The following NRIP1 variants were observed in gnomAD, a reference collection of about 807,000 sequenced individuals.
The protein encoded by NRIP1 is nuclear receptor-interacting protein 1.
NRIP1 carries 28 observed loss-of-function variants against 75.0 expected under a neutral mutation model. That is an observed-to-expected ratio of 0.37 (90% CI 0.28 to 0.51). The LOEUF (loss-of-function observed/expected upper bound fraction) is 0.51, where lower values mean the gene tolerates loss of function less well. Among genes scored for constraint, NRIP1 ranks in the 20% least tolerant of loss-of-function variants. The pLI is 0.92. For synonymous variants in NRIP1, 526 were observed against 487.6 expected (o/e 1.08, Z -1.04); for missense variants, 1,435 against 1,343.7 (o/e 1.07, Z -1.06).
intron 3 of NRIP1, among the ~76,000 whole-genome samples, chr21:15,002,852 A>G (rs978958142): frequency 2.0e-5 from 3 of 152,220 alleles, no homozygotes; most frequent in African/African-American, 7.2e-5. Context: ...AGTCTACTTT[A>G]CCAAGAAAAG....
At chr21:14,976,484 T>A (rs1325519004) in intron 3 of NRIP1, among the ~76,000 whole-genome samples, 2 of 152,164 alleles carry the variant, frequency 1.3e-5, no homozygotes, top group East Asian at 3.8e-4. Context: ...AACTAAGTGA[T>A]AGGTAATTTT....
At chr21:15,025,425 G>A (rs1429257207) in intron 2 of NRIP1, among the ~76,000 whole-genome samples, 1 of 151,920 alleles carries the variant, frequency 6.6e-6, no homozygotes, top group East Asian at 1.9e-4. Context: ...GGACAAGATG[G>A]GCACCAAAAT....
At position 14,967,225 on chromosome 21, in the gene NRIP1, C is replaced by T. The variant is rs752956066; in HGVS notation, c.968G>A (p.Ser323Asn). Residue 323 changes from serine to asparagine, a missense_variant, in exon 4 of 4, where the codon AGC becomes AAC. By Grantham distance (46) the Ser-to-Asn change is conservative. Coordinates refer to ENST00000318948, the MANE Select transcript of NRIP1 (RefSeq NM_003489.4). ...TGTTCTTGCCTGACCATTAAGATGG[C>T]TTGACATTCCTTTTGGGAGCTGGTA... is the stretch of plus-strand genomic sequence containing the variant. Reference protein sequence around the residue: ...GSYQLPKGMSSHLNGQARTSS... With the variant: ...GSYQLPKGMSNHLNGQARTSS... The T allele has an allele frequency of 2.5e-6, 4 of 1,613,910 alleles. No individual in the cohort carries two copies. Among genetic ancestry groups the T allele is most frequent in the Admixed American group, 3.3e-5 (2 of 59,952 alleles).
intron 3 of NRIP1, among the ~76,000 whole-genome samples, chr21:15,001,697 G>T (rs2087853483): frequency 6.6e-6 from 1 of 151,008 alleles, no homozygotes; most frequent in Non-Finnish European, 1.5e-5. Flanking sequence ...GTTCAAGGTG[G>T]TGTAGTGGCC....
chr21:14,982,708 G>T (rs920571757), intron 3 of NRIP1, among the ~76,000 whole-genome samples: 19 of 85,640 alleles, frequency 2.2e-4, no homozygotes, highest in East Asian at 7.7e-4. Flanking sequence ...GTTTTTTTTT[G>T]TTTTTTTTTT....
intron 2 of NRIP1, among the ~76,000 whole-genome samples, chr21:15,018,217 T>C (rs796787738): frequency 6.6e-6 from 1 of 152,160 alleles, no homozygotes; most frequent in Non-Finnish European, 1.5e-5. Flanking sequence ...TGTGGTAAAA[T>C]TATCACAATA....
chr21:15,065,482 AC>A (rs1389746531), upstream of NRIP1, among the ~76,000 whole-genome samples: 1 of 151,580 alleles, frequency 6.6e-6, no homozygotes, highest in Non-Finnish European at 1.5e-5. Flanking sequence ...GGCGCCCCAG[AC>A]GCTCCAGGGT....
intron 2 of NRIP1, among the ~76,000 whole-genome samples, chr21:15,032,617 A>T (rs1362105169): frequency 6.6e-6 from 1 of 152,254 alleles, no homozygotes; most frequent in African/African-American, 2.4e-5. Context: ...AACTTCAAAA[A>T]GCAGCAACTG....
intron 2 of NRIP1, among the ~76,000 whole-genome samples, chr21:15,019,689 T>C (rs552543485): frequency 1.1e-4 from 17 of 151,836 alleles, no homozygotes; most frequent in Non-Finnish European, 2.4e-4. Context: ...GATTTCACTA[T>C]GTTGGTCAGG....
intron 2 of NRIP1, among the ~76,000 whole-genome samples, chr21:15,031,072 TGTACACTCTGGAAGGCGCTCGGAGG>T (rs2147260269): frequency 8.6e-5 from 4 of 46,554 alleles, no homozygotes; most frequent in African/African-American, 1.7e-4. Context: ...TTTCTATGTG[TGTACACTCTGGAAGGCGCTCGGAGG>T]ATCACCACAT....
chr21:14,983,473 C>T (rs557298365), intron 3 of NRIP1, among the ~76,000 whole-genome samples: 5 of 152,252 alleles, frequency 3.3e-5, no homozygotes, highest in African/African-American at 9.6e-5. Context: ...AACAATAAAA[C>T]TGCAAAGGGA....
At chr21:15,042,066 T>C (rs1006468008) in intron 2 of NRIP1, among the ~76,000 whole-genome samples, 2 of 152,180 alleles carry the variant, frequency 1.3e-5, no homozygotes, top group African/African-American at 4.8e-5. Flanking sequence ...TGGGGAGACT[T>C]ATTAAAAGAC....
chr21:14,978,183 A>G (rs1160276557), intron 3 of NRIP1, among the ~76,000 whole-genome samples: 1 of 152,244 alleles, frequency 6.6e-6, no homozygotes, highest in Non-Finnish European at 1.5e-5. Context: ...GAGTAACTCA[A>G]GCATTCAACG....
intron 3 of NRIP1, among the ~76,000 whole-genome samples, chr21:14,973,092 A>G (rs1191525323): frequency 6.6e-6 from 1 of 152,188 alleles, no homozygotes; most frequent in Non-Finnish European, 1.5e-5. Context: ...GAGCTTGTGC[A>G]TGTGTCTATT....
chr21:14,990,638 C>T (rs2087543748), intron 3 of NRIP1, among the ~76,000 whole-genome samples: 1 of 152,130 alleles, frequency 6.6e-6, no homozygotes, highest in Non-Finnish European at 1.5e-5. Flanking sequence ...TGCTGGTGTT[C>T]AAGCTATATG....
chr21:15,061,771 C>G (rs2089428129), intron 1 of NRIP1, among the ~76,000 whole-genome samples: 1 of 152,158 alleles, frequency 6.6e-6, no homozygotes, highest in African/African-American at 2.4e-5. Context: ...AGCCAAATTC[C>G]TTTAACCTCA....
At chr21:14,993,656 G>A (rs1028209043) in intron 3 of NRIP1, among the ~76,000 whole-genome samples, 38 of 151,976 alleles carry the variant, frequency 2.5e-4, no homozygotes, top group Admixed American at 1.3e-3. Flanking sequence ...GTGGTGGCAC[G>A]TGCCTGTTGT....
intron 3 of NRIP1, among the ~76,000 whole-genome samples, chr21:14,995,051 A>T (rs1735868321): frequency 6.6e-6 from 1 of 152,252 alleles, no homozygotes; most frequent in African/African-American, 2.4e-5. Flanking sequence ...TAATTATTCC[A>T]ATTTCATACA....
intron 2 of NRIP1, among the ~76,000 whole-genome samples, chr21:15,041,590 T>TTAA (rs1439259069): frequency 6.6e-6 from 1 of 152,160 alleles, no homozygotes; most frequent in Non-Finnish European, 1.5e-5. Flanking sequence ...ATTTGTCGAT[T>TTAA]TAATCCTTCA....
Sources: gnomAD v4.1 joint callset for allele counts (sites outside exome capture counted in the v4.1 genomes callset) on GRCh38, gnomAD v4.1.1 for gene constraint, MANE v1.5 for transcripts, NCBI Gene and HGNC (gene_info 2026-07-23, HGNC 2026-07-21) for gene names.